Variants in WRN observed in about 807,000 individuals in gnomAD.
WRN encodes WRN RecQ like helicase, also known as bifunctional 3'-5' exonuclease/ATP-dependent helicase WRN.
WRN carries 149 observed loss-of-function variants against 180.7 expected under a neutral mutation model. That is an observed-to-expected ratio of 0.82 (90% CI 0.72 to 0.94). The LOEUF (loss-of-function observed/expected upper bound fraction) is 0.94, where lower values mean the gene tolerates loss of function less well. Ranked by LOEUF, WRN falls within the 40% of genes least tolerant of loss-of-function variation. The probability of loss-of-function intolerance (pLI) is 0.00; values close to 1 mark genes in which losing one functional copy is unlikely to be tolerated. For missense variants in WRN, 1,661 were observed against 1,700.1 expected, an observed-to-expected ratio of 0.98 and a Z score of 0.40; for synonymous variants, 548 against 568.9, an observed-to-expected ratio of 0.96 and a Z score of 0.52.
intron 23 of WRN, among the ~76,000 whole-genome samples, chr8:31,127,491 G>C (rs192256580): frequency 6.6e-6 from 1 of 152,126 alleles, no homozygotes; most frequent in African/African-American, 2.4e-5. Flanking sequence ...CTGCGTTACT[G>C]TAAGACAAAA....
chr8:31,077,155 A>G (rs916744493), intron 8 of WRN, among the ~76,000 whole-genome samples: 3 of 152,234 alleles, frequency 2.0e-5, no homozygotes, highest in African/African-American at 7.2e-5. Flanking sequence ...ACCATGATAT[A>G]TAAATTTAGC....
chr8:31,082,690 C>T lies in WRN; in HGVS notation c.1270-1009C>T, dbSNP rs11574226. 6.3e-4 allele frequency among the ~76,000 whole-genome samples: 95 copies of T among 151,974 alleles called. No individual in the cohort carries two copies. The South Asian group carries it at 0.012, about 20-fold the overall frequency. On this transcript the variant is annotated intron_variant, in intron 9 of 34. Transcript: ENST00000298139. ...TGGCTCACTACAACCTCTGCCTCCC[C>T]GGTTCAAGTGATTCTCCTACCTCAG...
intron 24 of WRN, among the ~76,000 whole-genome samples, chr8:31,134,789 G>A (rs1030596103): frequency 6.6e-6 from 1 of 152,108 alleles, no homozygotes; most frequent in Non-Finnish European, 1.5e-5. Flanking sequence ...AATCACTCTT[G>A]TAATTTTCAA....
chr8:31,064,713 G>A (rs1463499725), intron 4 of WRN, among the ~76,000 whole-genome samples: 1 of 152,160 alleles, frequency 6.6e-6, no homozygotes, highest in Non-Finnish European at 1.5e-5. Context: ...AGCAGGAGTG[G>A]CATTCAAACT....
chr8:31,099,572 T>TG (rs1401501921), intron 17 of WRN, among the ~76,000 whole-genome samples: 2 of 151,370 alleles, frequency 1.3e-5, no homozygotes, highest in Non-Finnish European at 2.9e-5. Context: ...TTTGTTTGTT[T>TG]TTTTTTTTTG....
chr8:31,035,563 A>G (rs1811422408), intron 1 of WRN, among the ~76,000 whole-genome samples: 1 of 152,130 alleles, frequency 6.6e-6, no homozygotes, highest in Non-Finnish European at 1.5e-5. Context: ...TTTATGGGCT[A>G]TATTGAAAAT....
Position 31,076,193 on chromosome 8 carries a change from G to A in WRN, c.745G>A (p.Asp249Asn), listed in dbSNP as rs758055295. 17 of 1,613,564 alleles carry A rather than the reference G, an allele frequency of 1.1e-5. No homozygotes were observed. The highest frequency in any genetic ancestry group is 6.7e-5 in the East Asian group (3 of 44,806). The stretch of plus-strand genomic sequence containing the variant: ...CCTAGAGGAAGAAATCCTACTTAGC[G>A]ACATGAACAAACAGTTGACTTCAAT... ...INKEEEILLSDMNKQLTSISE... is the reference protein window; with the variant it reads ...INKEEEILLSNMNKQLTSISE... Residue 249 changes from aspartate to asparagine, a missense_variant, in exon 8 of 35, where the codon GAC (aspartate) becomes AAC (asparagine). Asp to Asn is a conservative substitution (Grantham distance 23). Transcript: ENST00000298139.
At chr8:31,136,054 C>G (rs1802386417) in intron 24 of WRN, among the ~76,000 whole-genome samples, 1 of 152,136 alleles carries the variant, frequency 6.6e-6, no homozygotes, top group Admixed American at 6.5e-5. Flanking sequence ...CTCTGGAGTA[C>G]AGTGGCATGA....
chr8:31,164,211 ATTC>A (rs1285108284), intron 33 of WRN, among the ~76,000 whole-genome samples: 5 of 152,054 alleles, frequency 3.3e-5, no homozygotes, highest in Admixed American at 6.6e-5. Flanking sequence ...GTGCTTTTGG[ATTC>A]TTATTTTTTC....
intron 34 of WRN, among the ~76,000 whole-genome samples, chr8:31,172,369 C>G (rs1280399627): frequency 6.6e-6 from 1 of 152,136 alleles, no homozygotes; most frequent in Non-Finnish European, 1.5e-5. Context: ...GGCACGTGAG[C>G]TGCTGAAATG....
chr8:31,161,712 G>A (rs1434082727), intron 33 of WRN, among the ~76,000 whole-genome samples: 2 of 151,764 alleles, frequency 1.3e-5, no homozygotes, highest in Non-Finnish European at 2.9e-5. Flanking sequence ...GGTGTTGGGT[G>A]CCTGTAATCC....
chr8:31,059,193 T>G lies in WRN; in HGVS notation c.137T>G (p.Phe46Cys). 6.2e-7 allele frequency: 1 copy of G among 1,613,882 alleles called. No homozygotes were observed. The highest frequency in any genetic ancestry group is 8.5e-7 in the Non-Finnish European group (1 of 1,179,882). Reference sequence around the variant, plus strand: ...AGTGTTTTTGAAGATGACCTCCCCTTCTTAGAATTCACTGGATCCATTGTG... The same window carrying G: ...AGTGTTTTTGAAGATGACCTCCCCTGCTTAGAATTCACTGGATCCATTGTG... ...RKSVFEDDLP[F>C]LEFTGSIVYS... Residue 46 changes from phenylalanine to cysteine, a missense_variant, in exon 3 of 35, where the codon TTC becomes TGC. Transcript: ENST00000298139.
intron 24 of WRN, among the ~76,000 whole-genome samples, chr8:31,134,969 T>C (rs1375304340): frequency 6.6e-6 from 1 of 152,184 alleles, no homozygotes; most frequent in African/African-American, 2.4e-5. Context: ...AGCTGTGAGC[T>C]TCTTTGGCCT....
At position 31,124,897 on chromosome 8, in the gene WRN, G is replaced by A. The variant is rs1801858854; in HGVS notation, c.2733-11G>A. On this transcript the variant is annotated splice_polypyrimidine_tract_variant and intron_variant, in intron 22 of 34. Transcript: ENST00000298139. ...GTTCTTTTATTTAATTTAAAATTTT[G>A]TCTTGGGTAGAATCATCTTGTCTCA... 6.2e-7 allele frequency: 1 copy of A among 1,610,668 alleles called. No homozygotes were observed. The highest frequency in any genetic ancestry group is 8.5e-7 in the Non-Finnish European group (1 of 1,177,728).
intron 7 of WRN, among the ~76,000 whole-genome samples, chr8:31,072,294 A>G (rs1812941890): frequency 6.6e-6 from 1 of 152,246 alleles, no homozygotes; most frequent in South Asian, 2.1e-4. Context: ...TAGATTTGGC[A>G]ATGCGCCAAT....
intron 13 of WRN, 122 bp from the exon 14 acceptor site, chr8:31,090,343 A>G: frequency 3.2e-6 from 3 of 946,860 alleles, no homozygotes; most frequent in Non-Finnish European, 3.3e-6. Context: ...AGGTTTGTGC[A>G]TTTATGTATG....
intron 18 of WRN, among the ~76,000 whole-genome samples, chr8:31,104,817 G>A (rs1169345965): frequency 6.6e-6 from 1 of 152,106 alleles, no homozygotes; most frequent in Non-Finnish European, 1.5e-5. Flanking sequence ...ATTTGTGTGG[G>A]TCTATTTCTG....
At position 31,122,776 on chromosome 8, in the gene WRN, C is replaced by T. The variant is rs77868351; in HGVS notation, c.2631-1746C>T. On this transcript the variant is annotated intron_variant, in intron 21 of 34. Coordinates refer to ENST00000298139, the MANE Select transcript of WRN (RefSeq NM_000553.6). ...TTTCTCAAATTTGTCCTGACACTGA[C>T]GAGATTAGTTAAATGTAGGTCATCT... Among the ~76,000 whole-genome samples the T allele has an allele frequency of 8.5e-3, 1,263 of 149,056 alleles. 18 individuals carry two copies. The highest frequency in any genetic ancestry group is 0.03 in the African/African-American group (1,216 of 40,490).
chr8:31,121,457 G>A (rs916778634), intron 21 of WRN, among the ~76,000 whole-genome samples: 1 of 151,876 alleles, frequency 6.6e-6, no homozygotes, highest in African/African-American at 2.4e-5. Flanking sequence ...CAGTATAATG[G>A]GAATGGTAAT....
Sources: gnomAD v4.1 joint callset for allele counts (sites outside exome capture counted in the v4.1 genomes callset) on GRCh38, gnomAD v4.1.1 for gene constraint, MANE v1.5 for transcripts, NCBI Gene and HGNC (gene_info 2026-07-23, HGNC 2026-07-21) for gene names.